Variants in CERS6 observed in about 807,000 individuals in gnomAD.
CERS6 encodes the protein LAG1 homolog, ceramide synthase 6.
Under a neutral mutation model 56.8 loss-of-function variants are expected in CERS6, and 26 were observed. That is an observed-to-expected ratio of 0.46 (90% CI 0.34 to 0.63). The LOEUF (loss-of-function observed/expected upper bound fraction) is 0.63. CERS6 is among the 30% of genes least tolerant of loss of function. The probability of loss-of-function intolerance (pLI) is 0.01; values close to 1 mark genes in which losing one functional copy is unlikely to be tolerated. For missense variants in CERS6, 415 were observed against 467.5 expected, an observed-to-expected ratio of 0.89 and a Z score of 1.04; for synonymous variants, 164 against 173.3, an observed-to-expected ratio of 0.95 and a Z score of 0.42.
intron 1 of CERS6, among the ~76,000 whole-genome samples, chr2:168,501,625 T>A (rs927069398): frequency 6.6e-6 from 1 of 152,248 alleles, no homozygotes; most frequent in Non-Finnish European, 1.5e-5. Flanking sequence ...GAATCAGTAG[T>A]ACTAGTGAAA....
rs1199389846 is a variant in CERS6 at position 168,771,252 on chromosome 2, A to AT, written c.*1592dup. On this transcript the variant is annotated 3_prime_UTR_variant, in exon 10 of 10. Transcript: ENST00000305747. ...ACATTTAATTCAATTCTTGGAAAAA[A>AT]TTAAAGCTTTTTGCCCACAATTTGC... 6.6e-6 allele frequency: 1 copy of AT among 152,220 alleles called. No homozygotes were observed. Among genetic ancestry groups the AT allele is most frequent in the Non-Finnish European group, 1.5e-5 (1 of 68,040 alleles). 9.4% of individuals were successfully genotyped at this position (152,220 alleles called of 1,614,324 possible).
intron 3 of CERS6, among the ~76,000 whole-genome samples, chr2:168,584,337 TAACA>T (rs1341951251): frequency 6.6e-6 from 1 of 152,210 alleles, no homozygotes; most frequent in Non-Finnish European, 1.5e-5. Context: ...CTGTGGAAAT[TAACA>T]AACCTTTTGC....
chr2:168,471,191 G>C (rs1010208559), intron 1 of CERS6, among the ~76,000 whole-genome samples: 9 of 152,186 alleles, frequency 5.9e-5, no homozygotes, highest in African/African-American at 2.2e-4. Flanking sequence ...CTCTTTGCCA[G>C]AACCTACTCT....
At chr2:168,769,363 C>G in intron 9 of CERS6, 147 bp from the exon 10 acceptor site, 1 of 676,028 alleles carries the variant, frequency 1.5e-6, no homozygotes, top group Non-Finnish European at 2.4e-6. Context: ...TGAAGGGGAA[C>G]TTATTGCTCT....
At chr2:168,595,450 T>C (rs1407307546) in intron 3 of CERS6, among the ~76,000 whole-genome samples, 1 of 152,190 alleles carries the variant, frequency 6.6e-6, no homozygotes, top group African/African-American at 2.4e-5. Flanking sequence ...AGTGTAAAAA[T>C]CAATGATTGA....
chr2:168,520,347 A>G (rs1454742404), intron 1 of CERS6, among the ~76,000 whole-genome samples: 1 of 152,074 alleles, frequency 6.6e-6, no homozygotes, highest in Non-Finnish European at 1.5e-5. Flanking sequence ...TTGCGTGCAT[A>G]GTTTGCAAAT....
At chr2:168,725,972 T>C (rs1683338829) in intron 8 of CERS6, among the ~76,000 whole-genome samples, 1 of 152,210 alleles carries the variant, frequency 6.6e-6, no homozygotes, top group Non-Finnish European at 1.5e-5. Flanking sequence ...CTCTCTCTCT[T>C]ATAGTCCACT....
chr2:168,505,518 A>C (rs1406228174), intron 1 of CERS6, among the ~76,000 whole-genome samples: 1 of 152,186 alleles, frequency 6.6e-6, no homozygotes, highest in African/African-American at 2.4e-5. Context: ...CCAGCAGATC[A>C]GTGATCAGTG....
intron 4 of CERS6, among the ~76,000 whole-genome samples, chr2:168,641,592 C>T (rs1394716802): frequency 1.3e-5 from 2 of 152,166 alleles, no homozygotes; most frequent in Non-Finnish European, 2.9e-5. Flanking sequence ...CACCATTGAA[C>T]ACCTATAATG....
intron 9 of CERS6, among the ~76,000 whole-genome samples, chr2:168,769,200 A>T (rs1330284781): frequency 6.6e-6 from 1 of 152,202 alleles, no homozygotes; most frequent in African/African-American, 2.4e-5. Flanking sequence ...CATTCCAGTG[A>T]CACAGTATGC....
intron 1 of CERS6, among the ~76,000 whole-genome samples, chr2:168,527,216 T>G (rs1695086332): frequency 6.6e-6 from 1 of 152,316 alleles, no homozygotes; most frequent in African/African-American, 2.4e-5. Flanking sequence ...AAAAACAGAC[T>G]TTATTTTTAA....
intron 4 of CERS6, among the ~76,000 whole-genome samples, chr2:168,682,779 T>C (rs1450640360): frequency 6.6e-6 from 1 of 152,232 alleles, no homozygotes; most frequent in Non-Finnish European, 1.5e-5. Flanking sequence ...GGGCTCCCCA[T>C]GCAGTTGCCT....
intron 1 of CERS6, among the ~76,000 whole-genome samples, chr2:168,460,948 C>T (rs547186842): frequency 7.2e-5 from 11 of 152,210 alleles, no homozygotes; most frequent in African/African-American, 2.6e-4. Flanking sequence ...GTCCACTAGC[C>T]TTGGGTGAGG....
chr2:168,630,230 A>G (rs1684682143), intron 3 of CERS6, among the ~76,000 whole-genome samples: 1 of 152,032 alleles, frequency 6.6e-6, no homozygotes, highest in African/African-American at 2.4e-5. Flanking sequence ...AGGCGTAGCT[A>G]TTCATACTCG....
At chr2:168,754,131 A>G (rs1684355626) in intron 8 of CERS6, among the ~76,000 whole-genome samples, 1 of 152,178 alleles carries the variant, frequency 6.6e-6, no homozygotes, top group African/African-American at 2.4e-5. Context: ...ATCAGAGTCC[A>G]GAGAGCCAGG....
chr2:168,659,829 A>G lies in CERS6; in HGVS notation c.465+28787A>G, dbSNP rs76213119. On this transcript the variant is annotated intron_variant, in intron 4 of 9. Transcript: ENST00000305747. Reference sequence around the variant, plus strand: ...AAGCATTCAGTATAAAATTAAGGCAATCACCCAGATGGAAGAACACATAGA... The same window carrying G: ...AAGCATTCAGTATAAAATTAAGGCAGTCACCCAGATGGAAGAACACATAGA... 3.3e-3 allele frequency among the ~76,000 whole-genome samples: 503 copies of G among 152,300 alleles called. 5 individuals carry two copies. The highest frequency in any genetic ancestry group is 0.012 in the African/African-American group (491 of 41,544).
At chr2:168,725,238 T>A (rs549933352) in intron 8 of CERS6, among the ~76,000 whole-genome samples, 1 of 152,380 alleles carries the variant, frequency 6.6e-6, no homozygotes, top group Admixed American at 6.5e-5. Flanking sequence ...CCAGCTGGCC[T>A]GCAAGCGCTG....
chr2:168,661,325 G>C (rs770120904), intron 4 of CERS6, among the ~76,000 whole-genome samples: 157 of 152,182 alleles, frequency 1.0e-3, no homozygotes, highest in Non-Finnish European at 1.1e-3. Context: ...AAGATTACCT[G>C]CTAGACTAGC....
chr2:168,772,564 C>T lies in CERS6; in HGVS notation c.*2902C>T, dbSNP rs145417879. On this transcript the variant is annotated 3_prime_UTR_variant, in exon 10 of 10. Transcript: ENST00000305747. ...CAGCCTCCTGTTCATGTTCCCCACA[C>T]ACCTGAAGGTGGTAGAATCTTTTCA... The T allele has an allele frequency of 2.5e-3, 381 of 152,750 alleles. 1 individual carries two copies. Among genetic ancestry groups the T allele is most frequent in the Non-Finnish European group, 4.4e-3 (300 of 68,032 alleles). 9.5% of individuals were successfully genotyped at this position (152,750 alleles called of 1,614,324 possible).
Sources: gnomAD v4.1 joint callset for allele counts (sites outside exome capture counted in the v4.1 genomes callset) on GRCh38, gnomAD v4.1.1 for gene constraint, MANE v1.5 for transcripts, NCBI Gene and HGNC (gene_info 2026-07-23, HGNC 2026-07-21) for gene names.